The following C6 variants were observed in gnomAD, a reference collection of about 807,000 sequenced individuals.
C6 encodes complement C6.
A neutral mutation model predicts 112.9 loss-of-function variants in C6; 101 were observed. That is an observed-to-expected ratio of 0.89 (90% CI 0.76 to 1.06). C6 has a LOEUF of 1.06. C6 is among the 50% of genes least tolerant of loss of function. The pLI, the probability that C6 is intolerant of heterozygous loss-of-function variation, is 0.00. For missense variants in C6, 1,202 were observed against 1,104.6 expected, an observed-to-expected ratio of 1.09 and a Z score of -1.25; for synonymous variants, 431 against 384.1, an observed-to-expected ratio of 1.12 and a Z score of -1.43.
intron 1 of C6, among the ~76,000 whole-genome samples, chr5:41,209,243 GA>G (rs941965486): frequency 2.0e-5 from 3 of 152,148 alleles, no homozygotes; most frequent in Admixed American, 6.6e-5. Context: ...AGCTATTTAT[GA>G]CAAACCCACA....
rs1748886137 is a variant in C6 at position 41,176,730 on chromosome 5, G to T, written c.928-15C>A. ...AAACTAGAATCCTAAATGGAAGAAA[G>T]AAGTAAAAAGATGATTAAAGGTAAT... On this transcript the variant is annotated splice_polypyrimidine_tract_variant and intron_variant, in intron 7 of 17. Transcript: ENST00000337836. The T allele has an allele frequency of 1.2e-6, 2 of 1,603,586 alleles. No individual in the cohort carries two copies. The highest frequency in any genetic ancestry group is 1.7e-6 in the Non-Finnish European group (2 of 1,172,608).
At chr5:41,174,374 A>T (rs1580112349) in intron 8 of C6, among the ~76,000 whole-genome samples, 1 of 152,338 alleles carries the variant, frequency 6.6e-6, no homozygotes, top group East Asian at 1.9e-4. Flanking sequence ...TAATGTCTTT[A>T]GCTACCCTGA....
chr5:41,249,461 C>A (rs1000781296), intron 1 of C6, among the ~76,000 whole-genome samples: 40 of 152,100 alleles, frequency 2.6e-4, no homozygotes, highest in African/African-American at 9.4e-4. Flanking sequence ...GATATCCAAC[C>A]TCTACTTTAC....
chr5:41,213,668 A>G, upstream of C6: 1 of 370,812 alleles, frequency 2.7e-6, no homozygotes, highest in Non-Finnish European at 3.7e-6. Flanking sequence ...GTGAGTTTTC[A>G]ATTCAAGGGC....
chr5:41,218,987 A>T (rs1739002069), intron 1 of C6, among the ~76,000 whole-genome samples: 1 of 152,230 alleles, frequency 6.6e-6, no homozygotes, highest in African/African-American at 2.4e-5. Context: ...CTTGCAAGGA[A>T]GTTATCCTAA....
intron 5 of C6, among the ~76,000 whole-genome samples, chr5:41,187,925 G>A (rs1458693963): frequency 6.6e-6 from 1 of 152,026 alleles, no homozygotes; most frequent in South Asian, 2.1e-4. Flanking sequence ...AAGTTCAAAA[G>A]TAATTGCTTG....
At chr5:41,213,933 A>G (rs1201188218), upstream of C6, among the ~76,000 whole-genome samples, 1 of 152,224 alleles carries the variant, frequency 6.6e-6, no homozygotes, top group Non-Finnish European at 1.5e-5. Flanking sequence ...CAAGTTTATT[A>G]TAGTAAAAAG....
At chr5:41,249,675 C>G (rs1232789269) in intron 1 of C6, among the ~76,000 whole-genome samples, 1 of 152,148 alleles carries the variant, frequency 6.6e-6, no homozygotes, top group African/African-American at 2.4e-5. Flanking sequence ...TATTTGAGCT[C>G]TCCCTTGCTG....
At chr5:41,234,505 A>G (rs564249670) in intron 1 of C6, among the ~76,000 whole-genome samples, 1 of 152,164 alleles carries the variant, frequency 6.6e-6, no homozygotes, top group Admixed American at 6.6e-5. Flanking sequence ...TCAATAGAGT[A>G]AGAAAACAGA....
chr5:41,176,662 C>T lies in C6; in HGVS notation c.981G>A (p.Thr327=), dbSNP rs146851023. 1.5e-5 allele frequency: 25 copies of T among 1,613,088 alleles called. No homozygotes were observed. The highest frequency in any genetic ancestry group is 4.0e-5 in the African/African-American group (3 of 74,890). Residue 327 remains threonine (T), a synonymous_variant, in exon 8 of 18, where the codon ACG becomes ACA. Transcript: ENST00000337836. ...CAGAAAGGTGCAGATCTTTAGCTTT[C>T]GTTGTGAAGTTTAAGACTTTCATCA... The part of the protein sequence containing the change: ...HKVMKVLNFT[T]KAKDLHLSDV...
intron 11 of C6, chr5:41,159,564 G>A (rs1256867516): frequency 8.3e-6 from 4 of 483,490 alleles, no homozygotes; most frequent in South Asian, 8.9e-5. Flanking sequence ...GCACTCATAT[G>A]TGTATAAATA....
chr5:41,230,401 A>G lies in C6; in HGVS notation c.-20-27151T>C, dbSNP rs560608583. Among the ~76,000 whole-genome samples, 18 of 151,926 alleles carry G rather than the reference A, an allele frequency of 1.2e-4. 1 individual carries two copies. The East Asian group carries it at 3.5e-3, about 30-fold the overall frequency. On this transcript the variant is annotated intron_variant, in intron 1 of 17. Coordinates refer to the C6 transcript ENST00000263413. Reference sequence around the variant, plus strand: ...GGGGAAGGATTGCATTCCTGGGGGGAGGTCTATAATTGGCCACTCTGGGAG... The same window carrying G: ...GGGGAAGGATTGCATTCCTGGGGGGGGGTCTATAATTGGCCACTCTGGGAG...
Position 41,181,371 on chromosome 5 carries a change from G to C in C6, c.915C>G (p.Ala305=). Residue 305 remains alanine (A), a synonymous_variant, in exon 7 of 18, where the codon GCC becomes GCG. Transcript: ENST00000337836. ...CCATTTTTGATACCTTTTTGTGAGA[G>C]GCTTGAATGGCTTGTTTGAAGGCAG... The part of the protein sequence containing the change: ...HNSAFKQAIQ[A]SHKKDSSFIR... 6.2e-7 allele frequency: 1 copy of C among 1,613,604 alleles called. No homozygotes were observed. The highest frequency in any genetic ancestry group is 8.5e-7 in the Non-Finnish European group (1 of 1,179,724).
In C6 at chr5:41,146,108, A is replaced by G. The variant is rs924861025; in HGVS notation, c.2624-3102T>C. On this transcript the variant is annotated intron_variant, in intron 17 of 17. Coordinates refer to ENST00000337836, the MANE Select transcript of C6 (RefSeq NM_000065.5). The stretch of plus-strand genomic sequence containing the variant: ...TTACTCCTCCAAAAATTTGACGGGT[A>G]AAAAGGGTGCCTCATCTTAAAACCA... 3.9e-5 allele frequency among the ~76,000 whole-genome samples: 6 copies of G among 152,204 alleles called. 1 individual carries two copies. In the South Asian group the frequency reaches 1.0e-3, roughly 26 times the overall value.
intron 3 of C6, 151 bp downstream of exon 3, chr5:41,201,407 A>T: frequency 1.3e-6 from 1 of 790,694 alleles, no homozygotes; most frequent in Non-Finnish European, 2.1e-6. Context: ...CCCCCACAAA[A>T]GTGCTAAATG....
chr5:41,181,446 A>G lies in C6; in HGVS notation c.840T>C (p.Ser280=). ...TCTTTGAGGAATAAAAAATTGGTAC[A>G]CTGAAAGAGCTCCCCCCCTGACTTG... ...SFSSQGGSSF[S]VPIFYSSKRS... is the part of the protein sequence containing the mutation. Residue 280 remains serine, a synonymous_variant, in exon 7 of 18, where the codon AGT becomes AGC. Transcript: ENST00000337836. The G allele has an allele frequency of 6.2e-7, 1 of 1,613,878 alleles. No individual in the cohort carries two copies. Among genetic ancestry groups the G allele is most frequent in the Non-Finnish European group, 8.5e-7 (1 of 1,179,864 alleles).
intron 1 of C6, among the ~76,000 whole-genome samples, chr5:41,224,202 CT>C (rs1373061754): frequency 2.6e-5 from 4 of 152,150 alleles, no homozygotes; most frequent in Admixed American, 2.6e-4. Flanking sequence ...ACTAAATGTG[CT>C]GTCAGCAGTT....
In C6 at chr5:41,212,291, G is replaced by A. The variant is rs188958454; in HGVS notation, c.-21+1085C>T. ...ATTCTCTGCCTCAGCCTCCCGAGTAGCTGGGATTACAGGCCCCTGCCACCA... is the reference window on the plus strand; with the variant it reads ...ATTCTCTGCCTCAGCCTCCCGAGTAACTGGGATTACAGGCCCCTGCCACCA... On this transcript the variant is annotated intron_variant, in intron 1 of 17. Coordinates refer to ENST00000337836, the MANE Select transcript of C6 (RefSeq NM_000065.5). Among the ~76,000 whole-genome samples the A allele has an allele frequency of 4.2e-3, 634 of 152,132 alleles. 7 individuals are homozygous for A. Among genetic ancestry groups the A allele is most frequent in the African/African-American group, 0.015 (606 of 41,502 alleles).
intron 1 of C6, among the ~76,000 whole-genome samples, chr5:41,208,921 A>C (rs1751666317): frequency 6.6e-6 from 1 of 152,094 alleles, no homozygotes; most frequent in African/African-American, 2.4e-5. Context: ...ACAACGAAAA[A>C]AGAGAATTTT....
Sources: gnomAD v4.1 joint callset for allele counts (sites outside exome capture counted in the v4.1 genomes callset) on GRCh38, gnomAD v4.1.1 for gene constraint, MANE v1.5 for transcripts, NCBI Gene and HGNC (gene_info 2026-07-23, HGNC 2026-07-21) for gene names.